NEK11: variants seen among roughly 807,000 people sequenced by gnomAD.
NEK11 encodes the protein NIMA related kinase 11.
In NEK11, 72 loss-of-function variants were observed where a neutral mutation model predicts 80.7. That is an observed-to-expected ratio of 0.89 (90% confidence interval 0.74 to 1.08). The LOEUF (loss-of-function observed/expected upper bound fraction) is 1.08. Ranked by LOEUF, NEK11 falls within the 50% of genes least tolerant of loss-of-function variation. The pLI, the probability that NEK11 is intolerant of heterozygous loss-of-function variation, is 0.00. For synonymous variants in NEK11, 251 were observed against 260.7 expected, an observed-to-expected ratio of 0.96 and a Z score of 0.36; for missense variants, 764 against 763.6, an observed-to-expected ratio of 1.00 and a Z score of -0.01.
intron 14 of NEK11, among the ~76,000 whole-genome samples, chr3:131,219,603 G>T (rs779568076): frequency 2.0e-5 from 3 of 152,028 alleles, no homozygotes; most frequent in Non-Finnish European, 4.4e-5. Flanking sequence ...GGACACCAGG[G>T]TATGCATGCA....
At chr3:131,097,062 A>G (rs1001766337) in intron 4 of NEK11, among the ~76,000 whole-genome samples, 2 of 151,138 alleles carry the variant, frequency 1.3e-5, no homozygotes, top group African/African-American at 2.4e-5. Flanking sequence ...AAGGACATGA[A>G]CTCATCATTT....
chr3:131,114,813 A>G (rs773802726), intron 5 of NEK11, among the ~76,000 whole-genome samples: 1 of 152,230 alleles, frequency 6.6e-6, no homozygotes, highest in African/African-American at 2.4e-5. Flanking sequence ...GCATTATTCT[A>G]GTTTTCTCCT....
chr3:131,080,298 A>G (rs1419739233), intron 3 of NEK11, 125 bp from the exon 4 acceptor site: 7 of 680,284 alleles, frequency 1.0e-5, no homozygotes, highest in African/African-American at 1.8e-5. Flanking sequence ...GTGTCATAAT[A>G]GGCAATACCA....
At chr3:131,302,448 G>A (rs577959165) in intron 17 of NEK11, among the ~76,000 whole-genome samples, 1 of 152,084 alleles carries the variant, frequency 6.6e-6, no homozygotes, top group East Asian at 1.9e-4. Context: ...GTGATGTTAG[G>A]TTGTTAATTT....
intron 17 of NEK11, among the ~76,000 whole-genome samples, chr3:131,324,029 G>T (rs1169493940): frequency 1.3e-5 from 2 of 152,008 alleles, no homozygotes; most frequent in Non-Finnish European, 2.9e-5. Context: ...ATCTGTTGAA[G>T]AAAAAAAGCA....
chr3:131,272,561 C>T (rs143262844), intron 16 of NEK11, among the ~76,000 whole-genome samples: 2 of 145,200 alleles, frequency 1.4e-5, no homozygotes, highest in African/African-American at 2.5e-5. Flanking sequence ...TTGCAACCTC[C>T]GCCTCCCAAG....
chr3:131,083,127 A>G (rs1303363751), intron 4 of NEK11, among the ~76,000 whole-genome samples: 1 of 152,214 alleles, frequency 6.6e-6, no homozygotes, highest in Non-Finnish European at 1.5e-5. Context: ...GGGTTCTGGC[A>G]ATCTGTGTTT....
chr3:131,259,921 A>G (rs2095883480), intron 16 of NEK11, among the ~76,000 whole-genome samples: 1 of 152,162 alleles, frequency 6.6e-6, no homozygotes, highest in Non-Finnish European at 1.5e-5. Context: ...GGCAGTACAG[A>G]GACTACCCTG....
intron 14 of NEK11, among the ~76,000 whole-genome samples, chr3:131,215,421 A>C (rs927076266): frequency 1.3e-5 from 2 of 152,078 alleles, no homozygotes; most frequent in African/African-American, 4.8e-5. Flanking sequence ...TTAAAGTATA[A>C]CAAAAAAATA....
At chr3:131,309,595 G>C (rs562508599) in intron 17 of NEK11, among the ~76,000 whole-genome samples, 125 of 131,940 alleles carry the variant, frequency 9.5e-4, no homozygotes, top group African/African-American at 3.2e-3. Context: ...CTGGGTACAA[G>C]AAAAATGCTT....
intron 3 of NEK11, among the ~76,000 whole-genome samples, chr3:131,066,667 C>T (rs1480528017): frequency 2.0e-5 from 3 of 151,556 alleles, no homozygotes; most frequent in Admixed American, 6.6e-5. Flanking sequence ...AACCCCATAT[C>T]TACTAAAAAA....
chr3:131,127,796 T>A (rs2083624976), intron 5 of NEK11, among the ~76,000 whole-genome samples: 1 of 128,108 alleles, frequency 7.8e-6, no homozygotes, highest in Non-Finnish European at 1.8e-5. Flanking sequence ...ATCACCTTGA[T>A]CTAATGAGGA....
intron 3 of NEK11, among the ~76,000 whole-genome samples, chr3:131,045,384 C>A (rs114187626): frequency 0.013 from 2,004 of 152,196 alleles, 39 homozygotes; most frequent in African/African-American, 0.045. Flanking sequence ...TTTTAAATTT[C>A]CATCTTGATT....
At chr3:131,073,403 A>G (rs1264034104) in intron 3 of NEK11, among the ~76,000 whole-genome samples, 1 of 152,224 alleles carries the variant, frequency 6.6e-6, no homozygotes, top group Non-Finnish European at 1.5e-5. Flanking sequence ...CACAAATGGA[A>G]ATATAATCTA....
At chr3:131,224,799 TGAAAAA>T (rs964444474) in intron 14 of NEK11, among the ~76,000 whole-genome samples, 6 of 151,782 alleles carry the variant, frequency 4.0e-5, no homozygotes, top group African/African-American at 7.3e-5. Flanking sequence ...ACAAAATAGT[TGAAAAA>T]GAAAAAGAAA....
At chr3:131,246,809 T>G (rs1194395678) in intron 16 of NEK11, among the ~76,000 whole-genome samples, 1 of 152,100 alleles carries the variant, frequency 6.6e-6, no homozygotes, top group East Asian at 1.9e-4. Flanking sequence ...TGGCCATTTT[T>G]GCAGGAGTGA....
At chr3:131,032,688 T>C (rs1356726841) in intron 3 of NEK11, among the ~76,000 whole-genome samples, 1 of 152,256 alleles carries the variant, frequency 6.6e-6, no homozygotes, top group Non-Finnish European at 1.5e-5. Flanking sequence ...ATTCTGTACA[T>C]TCCTAATCTG....
chr3:131,060,998 A>G (rs1250174681), intron 3 of NEK11, among the ~76,000 whole-genome samples: 1 of 152,190 alleles, frequency 6.6e-6, no homozygotes, highest in Non-Finnish European at 1.5e-5. Flanking sequence ...TCCCCCATCC[A>G]GAACTGGGCA....
chr3:131,312,325 G>C (rs2162686), intron 17 of NEK11, among the ~76,000 whole-genome samples: 2,834 of 152,248 alleles, frequency 0.019, 45 homozygotes, highest in East Asian at 0.084. Context: ...TAGATAACAC[G>C]TTAAGTGATT....
Sources: allele counts gnomAD v4.1 joint callset (sites outside exome capture counted in the v4.1 genomes callset), GRCh38; gene constraint gnomAD v4.1.1; transcripts MANE v1.5; gene names NCBI Gene and HGNC (gene_info 2026-07-23, HGNC 2026-07-21).